Variants in THSD7B observed in about 807,000 individuals in gnomAD.
THSD7B encodes thrombospondin type-1 domain-containing protein 7B.
Under a neutral mutation model 213.6 loss-of-function variants are expected in THSD7B, and 138 were observed. The observed-to-expected ratio is 0.65, with a 90% CI of 0.56 to 0.74. THSD7B has a LOEUF of 0.74. THSD7B is among the 30% of genes least tolerant of loss of function. The pLI, the probability that THSD7B is intolerant of heterozygous loss-of-function variation, is 0.00. For synonymous variants in THSD7B, 742 were observed against 687.0 expected, an observed-to-expected ratio of 1.08 and a Z score of -1.25; for missense variants, 1,931 against 1,991.5, an observed-to-expected ratio of 0.97 and a Z score of 0.58.
chr2:137,017,625 A>C (rs1297284684), intron 2 of THSD7B, among the ~76,000 whole-genome samples: 3 of 152,148 alleles, frequency 2.0e-5, no homozygotes, highest in Non-Finnish European at 4.4e-5. Flanking sequence ...ATGTTACTGA[A>C]GCACAGATTC....
chr2:136,851,330 A>G (rs1159248339), intron 1 of THSD7B, among the ~76,000 whole-genome samples: 1 of 152,078 alleles, frequency 6.6e-6, no homozygotes, highest in Non-Finnish European at 1.5e-5. Context: ...TGCATGGTAT[A>G]TAGCTCTTCA....
At chr2:137,131,337 C>T (rs1688728314) in intron 5 of THSD7B, among the ~76,000 whole-genome samples, 3 of 152,030 alleles carry the variant, frequency 2.0e-5, no homozygotes, top group Admixed American at 1.3e-4. Flanking sequence ...GTTGCCTGCT[C>T]ACTCTGATGA....
chr2:137,138,103 C>T (rs540215511), intron 5 of THSD7B, among the ~76,000 whole-genome samples: 9 of 151,956 alleles, frequency 5.9e-5, no homozygotes, highest in Non-Finnish European at 8.8e-5. Context: ...TATGTTGCCC[C>T]GGCTGGTCTC....
chr2:137,466,131 G>C (rs1238318212), intron 15 of THSD7B, among the ~76,000 whole-genome samples: 1 of 152,098 alleles, frequency 6.6e-6, no homozygotes, highest in African/African-American at 2.4e-5. Context: ...TGAGAATTTT[G>C]TAGCAAACAG....
At chr2:137,476,633 A>G (rs553877764) in intron 15 of THSD7B, among the ~76,000 whole-genome samples, 75 of 152,228 alleles carry the variant, frequency 4.9e-4, no homozygotes, top group African/African-American at 1.7e-3. Flanking sequence ...GTCTATAAAT[A>G]CATCTCAGCT....
At chr2:137,610,305 G>C (rs1682264349) in intron 17 of THSD7B, among the ~76,000 whole-genome samples, 1 of 152,118 alleles carries the variant, frequency 6.6e-6, no homozygotes, top group African/African-American at 2.4e-5. Context: ...AGGTGATGTT[G>C]ATGCTGCTGG....
intron 5 of THSD7B, among the ~76,000 whole-genome samples, chr2:137,155,200 C>T (rs1679889992): frequency 6.6e-6 from 1 of 152,156 alleles, no homozygotes; most frequent in African/African-American, 2.4e-5. Context: ...ATTTTGTGAC[C>T]ATGAAGAGTC....
chr2:136,942,462 C>G (rs111945037), intron 2 of THSD7B, among the ~76,000 whole-genome samples: 2 of 151,994 alleles, frequency 1.3e-5, no homozygotes, highest in African/African-American at 2.4e-5. Flanking sequence ...TTTCATGATA[C>G]TGATTCTTCC....
intron 7 of THSD7B, among the ~76,000 whole-genome samples, chr2:137,221,111 A>C (rs35331468): frequency 0.29 from 44,637 of 151,866 alleles, 7,140 homozygotes; most frequent in East Asian, 0.48. Context: ...CCACGGTGAA[A>C]CCCCGTCTCT....
chr2:136,830,490 C>T (rs934054298), intron 1 of THSD7B, among the ~76,000 whole-genome samples: 1 of 152,066 alleles, frequency 6.6e-6, no homozygotes, highest in Non-Finnish European at 1.5e-5. Flanking sequence ...ATTCAGTTTA[C>T]TACACAGATA....
intron 5 of THSD7B, among the ~76,000 whole-genome samples, chr2:137,137,265 C>T (rs1173033105): frequency 6.6e-6 from 1 of 152,244 alleles, no homozygotes; most frequent in East Asian, 1.9e-4. Context: ...CCGCCCCTTC[C>T]CAGTTAACTC....
intron 7 of THSD7B, among the ~76,000 whole-genome samples, chr2:137,230,180 A>C (rs1174659588): frequency 6.6e-6 from 1 of 152,210 alleles, no homozygotes; most frequent in Non-Finnish European, 1.5e-5. Context: ...TTAATTAGCC[A>C]TTGTAGTCAT....
chr2:137,061,600 C>A (rs1687273783), intron 3 of THSD7B, among the ~76,000 whole-genome samples: 1 of 149,048 alleles, frequency 6.7e-6, no homozygotes, highest in South Asian at 2.1e-4. Context: ...AATATTTTTT[C>A]TGCCTCTATT....
At chr2:137,554,836 G>A (rs1274689074) in intron 15 of THSD7B, among the ~76,000 whole-genome samples, 1 of 152,090 alleles carries the variant, frequency 6.6e-6, no homozygotes. Context: ...TGGAAAATCG[G>A]GTCACTCCCA....
chr2:137,074,186 G>T (rs1033595146), intron 3 of THSD7B, among the ~76,000 whole-genome samples: 9 of 151,768 alleles, frequency 5.9e-5, no homozygotes, highest in African/African-American at 1.9e-4. Flanking sequence ...ACAGTGGGGT[G>T]TTAAAGTCTC....
chr2:136,819,002 T>TTA (rs1471370467), intron 1 of THSD7B, among the ~76,000 whole-genome samples: 3 of 152,214 alleles, frequency 2.0e-5, no homozygotes, highest in African/African-American at 4.8e-5. Context: ...ACCACTGCCT[T>TTA]TACTCTTTCA....
At chr2:136,864,765 G>A (rs370733452) in intron 1 of THSD7B, among the ~76,000 whole-genome samples, 1 of 152,222 alleles carries the variant, frequency 6.6e-6, no homozygotes, top group East Asian at 1.9e-4. Context: ...TGTTAGCCAG[G>A]ATGGTCTTGA....
chr2:137,669,569 A>T (rs1428713736), intron 27 of THSD7B, among the ~76,000 whole-genome samples: 1 of 152,228 alleles, frequency 6.6e-6, no homozygotes. Flanking sequence ...TCACCACCAG[A>T]AAAGATTAAA....
intron 15 of THSD7B, among the ~76,000 whole-genome samples, chr2:137,510,881 T>C (rs1037043200): frequency 1.3e-5 from 2 of 152,188 alleles, no homozygotes; most frequent in Admixed American, 6.5e-5. Flanking sequence ...TTTGTTGAAC[T>C]TCTTGATGCA....
Sources: allele counts gnomAD v4.1 joint callset (sites outside exome capture counted in the v4.1 genomes callset), GRCh38; gene constraint gnomAD v4.1.1; transcripts MANE v1.5; gene names NCBI Gene and HGNC (gene_info 2026-07-23, HGNC 2026-07-21).